SUSD5: variants seen among roughly 807,000 people sequenced by gnomAD.
The protein encoded by SUSD5 is sushi domain-containing protein 5.
In SUSD5, 33 loss-of-function variants were observed where a neutral mutation model predicts 29.5. The observed-to-expected ratio is 1.12, with a 90% confidence interval of 0.85 to 1.49. SUSD5 has a LOEUF of 1.49. SUSD5 is among the 40% of genes most tolerant of loss of function. The pLI is 0.00. For synonymous variants in SUSD5, 308 were observed against 325.3 expected (o/e 0.95, Z 0.57); for missense variants, 776 against 800.6 (o/e 0.97, Z 0.37).
intron 3 of SUSD5, chr3:33,190,436 T>TA (rs2031867695): frequency 6.6e-6 from 1 of 152,428 alleles, no homozygotes; most frequent in Non-Finnish European, 1.5e-5. Context: ...CTTGTTAATT[T>TA]AACATTATAT....
At chr3:33,190,422 G>C (rs1436216437) in intron 3 of SUSD5, 1 of 152,396 alleles carries the variant, frequency 6.6e-6, no homozygotes, top group African/African-American at 2.4e-5. Context: ...ATTTTAGTTT[G>C]TAGCTTGTTA....
chr3:33,204,211 C>T lies in SUSD5; in HGVS notation c.409+3597G>A, dbSNP rs904223660. ...TATTTACATATGTATATATATGTAT[C>T]TTGCTATGTTGCCCAGGCTGGTCTC... On this transcript the variant is annotated intron_variant, in intron 3 of 4. Coordinates refer to ENST00000309558, the MANE Select transcript of SUSD5 (RefSeq NM_015551.2). The surrounding 1 kb of genome is among the most constrained non-coding windows in gnomAD (Gnocchi z 4.5). 2.0e-5 allele frequency among the ~76,000 whole-genome samples: 3 copies of T among 152,008 alleles called. No homozygotes were observed. The highest frequency in any genetic ancestry group is 7.2e-5 in the African/African-American group (3 of 41,380).
intron 3 of SUSD5, among the ~76,000 whole-genome samples, chr3:33,203,122 A>T (rs1195507027): frequency 6.6e-6 from 1 of 152,192 alleles, no homozygotes; most frequent in Non-Finnish European, 1.5e-5. Flanking sequence ...AAGGCGCTGC[A>T]CCTTCCTTAA....
chr3:33,164,602 A>G (rs976331947), intron 4 of SUSD5, among the ~76,000 whole-genome samples: 1 of 152,240 alleles, frequency 6.6e-6, no homozygotes. Context: ...CTTACCTAAC[A>G]GAAGACATTT....
chr3:33,193,400 T>C (rs1311361291), intron 3 of SUSD5, among the ~76,000 whole-genome samples: 2 of 152,094 alleles, frequency 1.3e-5, no homozygotes, highest in African/African-American at 2.4e-5. Flanking sequence ...ATCTGGCAGA[T>C]ACTGAAAAGG....
At chr3:33,171,541 C>T (rs1008530866) in intron 4 of SUSD5, among the ~76,000 whole-genome samples, 1 of 152,176 alleles carries the variant, frequency 6.6e-6, no homozygotes, top group Non-Finnish European at 1.5e-5. Flanking sequence ...CAAACCCCTA[C>T]AACCTCTTTG....
At chr3:33,187,091 C>T (rs1335427535) in intron 3 of SUSD5, among the ~76,000 whole-genome samples, 1 of 152,216 alleles carries the variant, frequency 6.6e-6, no homozygotes, top group East Asian at 1.9e-4. Context: ...CCTTTCTCAG[C>T]TGCCCATGAC....
Position 33,214,959 on chromosome 3 carries a change from T to C in SUSD5, c.113-854A>G, listed in dbSNP as rs142672715. 4.3e-3 allele frequency among the ~76,000 whole-genome samples: 660 copies of C among 152,098 alleles called. 5 individuals are homozygous for C. Among genetic ancestry groups the C allele is most frequent in the African/African-American group, 0.014 (579 of 41,494 alleles). ...ATCTGTCACCAACTTTTTCATAATATATCAGTGATTGGACTAAGACACAAC... is the reference window on the plus strand; with the variant it reads ...ATCTGTCACCAACTTTTTCATAATACATCAGTGATTGGACTAAGACACAAC... On this transcript the variant is annotated intron_variant, in intron 1 of 4. Coordinates refer to ENST00000309558, the MANE Select transcript of SUSD5 (RefSeq NM_015551.2).
Position 33,150,538 on chromosome 3 carries a change from A to T in SUSD5, c.*2204T>A, listed in dbSNP as rs568105762. On this transcript the variant is annotated 3_prime_UTR_variant, in exon 5 of 5. Transcript: ENST00000309558. Reference sequence around the variant, plus strand: ...AGATTAGGATCTAATTTATAAATATATACAGTCTCTGGCTTTTATTCTATT... The same window carrying T: ...AGATTAGGATCTAATTTATAAATATTTACAGTCTCTGGCTTTTATTCTATT... The T allele has an allele frequency of 7.2e-5, 11 of 152,332 alleles. No homozygotes were observed. The highest frequency in any genetic ancestry group is 2.6e-4 in the African/African-American group (11 of 41,572). The allele number at this position is 152,332 out of a possible 1,614,324, so 9.4% of individuals were successfully genotyped here.
intron 2 of SUSD5, among the ~76,000 whole-genome samples, chr3:33,208,476 C>T (rs2032265053): frequency 6.6e-6 from 1 of 152,050 alleles, no homozygotes. Context: ...GTTCATCTCA[C>T]AATCTCTGTT....
intron 2 of SUSD5, among the ~76,000 whole-genome samples, chr3:33,212,948 C>T (rs983699864): frequency 6.6e-6 from 1 of 152,104 alleles, no homozygotes; most frequent in African/African-American, 2.4e-5. Flanking sequence ...TATACATATA[C>T]ATGCAGATGA....
chr3:33,175,949 T>C (rs375664053), intron 3 of SUSD5, among the ~76,000 whole-genome samples: 1 of 152,248 alleles, frequency 6.6e-6, no homozygotes, highest in South Asian at 2.1e-4. Flanking sequence ...TCTACCATTA[T>C]TGTATCATAC....
chr3:33,201,731 C>A (rs1284349519), intron 3 of SUSD5, among the ~76,000 whole-genome samples: 2 of 152,136 alleles, frequency 1.3e-5, no homozygotes, highest in Non-Finnish European at 2.9e-5. Flanking sequence ...CTACTCAAGC[C>A]CCCAAGCATG....
At chr3:33,182,792 C>A (rs1449638726) in intron 3 of SUSD5, among the ~76,000 whole-genome samples, 1 of 151,938 alleles carries the variant, frequency 6.6e-6, no homozygotes, top group East Asian at 1.9e-4. Flanking sequence ...CATCCCTTTC[C>A]TTTTTGTTTT....
chr3:33,187,450 C>A (rs2031799810), intron 3 of SUSD5, among the ~76,000 whole-genome samples: 1 of 152,132 alleles, frequency 6.6e-6, no homozygotes, highest in Non-Finnish European at 1.5e-5. Flanking sequence ...GATTCAGAAG[C>A]TCCAGTACAA....
chr3:33,188,213 T>C (rs2031819248), intron 3 of SUSD5, among the ~76,000 whole-genome samples: 1 of 152,228 alleles, frequency 6.6e-6, no homozygotes, highest in Non-Finnish European at 1.5e-5. Context: ...TTTATTCTGA[T>C]AAATTGTTGA....
chr3:33,197,383 C>T (rs1006268743), intron 3 of SUSD5, among the ~76,000 whole-genome samples: 1 of 152,036 alleles, frequency 6.6e-6, no homozygotes, highest in African/African-American at 2.4e-5. Context: ...TGGGAACACT[C>T]GGGAAAAACA....
intron 3 of SUSD5, among the ~76,000 whole-genome samples, chr3:33,185,354 G>A (rs1233296600): frequency 6.6e-6 from 1 of 152,196 alleles, no homozygotes; most frequent in African/African-American, 2.4e-5. Flanking sequence ...TTTTCTGTAA[G>A]GACCTGATAG....
chr3:33,185,719 CT>C (rs2031763966), intron 3 of SUSD5, among the ~76,000 whole-genome samples: 1 of 152,098 alleles, frequency 6.6e-6, no homozygotes, highest in Admixed American at 6.6e-5. Context: ...AAGTCTTTTT[CT>C]TTTTTTCTTT....
Sources: allele counts gnomAD v4.1 joint callset (sites outside exome capture counted in the v4.1 genomes callset), GRCh38; gene constraint gnomAD v4.1.1; non-coding constraint Gnocchi (gnomAD v3.1); transcripts MANE v1.5; gene names NCBI Gene and HGNC (gene_info 2026-07-23, HGNC 2026-07-21).